The following CXCL6 variants were observed in gnomAD, a reference collection of about 807,000 sequenced individuals.
The protein encoded by CXCL6 is C-X-C motif chemokine ligand 6, also known as C-X-C motif chemokine 6.
CXCL6 carries 18 observed loss-of-function variants against 10.5 expected under a neutral mutation model. That is an observed-to-expected ratio of 1.71 (90% CI 1.18 to 2.54). The LOEUF (loss-of-function observed/expected upper bound fraction) is 2.54. CXCL6 is among the 30% of genes most tolerant of loss of function. The pLI, the probability that CXCL6 is intolerant of heterozygous loss-of-function variation, is 0.00. For missense variants in CXCL6, 171 were observed against 145.7 expected (o/e 1.17, Z -0.90); for synonymous variants, 82 against 68.3 (o/e 1.20, Z -0.99).
Position 73,836,847 on chromosome 4 carries a change from C to A in CXCL6, c.97C>A (p.Pro33Thr). Reference protein sequence around the residue: ...ALLLLLTPPGPLASAGPVSAV... With the variant: ...ALLLLLTPPGTLASAGPVSAV... ...GCTGCTCCTGCTGACGCCGCCGGGGCCCCTCGCCAGCGGTGAGAGCTCCTG... is the reference window on the plus strand; with the variant it reads ...GCTGCTCCTGCTGACGCCGCCGGGGACCCTCGCCAGCGGTGAGAGCTCCTG... Residue 33 changes from proline (P) to threonine (T), a missense_variant, in exon 1 of 4, where the codon CCC becomes ACC. Transcript: ENST00000226317. 1.9e-6 allele frequency: 3 copies of A among 1,612,194 alleles called. No individual in the cohort carries two copies. The highest frequency in any genetic ancestry group is 2.5e-6 in the Non-Finnish European group (3 of 1,178,948).
Position 73,837,054 on chromosome 4 carries a change from A to T in CXCL6, c.200A>T (p.Gln67Leu), listed in dbSNP as rs999888344. 1.9e-6 allele frequency: 3 copies of T among 1,613,822 alleles called. No individual in the cohort carries two copies. In the African/African-American group the frequency reaches 4.0e-5, roughly 22 times the overall value. Residue 67 changes from glutamine to leucine, a missense_variant, in exon 2 of 4, where the codon CAG becomes CTG. Physicochemically the swap from Gln to Leu is moderately radical, Grantham distance 113. Coordinates refer to ENST00000226317, the MANE Select transcript of CXCL6 (RefSeq NM_002993.4). ...RVNPKTIGKLQVFPAGPQCSK... is the reference protein window; with the variant it reads ...RVNPKTIGKLLVFPAGPQCSK... ...AACCCCAAAACGATTGGTAAACTGC[A>T]GGTGTTCCCCGCAGGCCCGCAGTGC...
In CXCL6 at chr4:73,836,727, C is replaced by T; in HGVS notation, c.-24C>T. ...TCCGCGCCTCCACCCAGCTCAGGAACCCGCGAACCCTCTCTTGACCACTAT... is the reference window on the plus strand; with the variant it reads ...TCCGCGCCTCCACCCAGCTCAGGAATCCGCGAACCCTCTCTTGACCACTAT... On this transcript the variant is annotated 5_prime_UTR_variant, in exon 1 of 4. Coordinates refer to ENST00000226317, the MANE Select transcript of CXCL6 (RefSeq NM_002993.4). 1 of 1,588,754 alleles carries T rather than the reference C, an allele frequency of 6.3e-7. No individual in the cohort carries two copies.
Position 73,837,657 on chromosome 4 carries a change from A to G in CXCL6, c.*16A>G, listed in dbSNP as rs765217641. The G allele has an allele frequency of 8.4e-6, 13 of 1,550,284 alleles. No individual in the cohort carries two copies. The highest frequency in any genetic ancestry group is 4.8e-5 in the East Asian group (2 of 41,622). ...GAAAAACTGAGTAACAAAAAAGACC[A>G]TGCATCATAAAATTGCCCAGTCTTC... On this transcript the variant is annotated 3_prime_UTR_variant, in exon 4 of 4. Transcript: ENST00000226317.
At position 73,837,685 on chromosome 4, in the gene CXCL6, CGGAGCAGTTTTCT is replaced by C; in HGVS notation, c.*49_*61del. 6.5e-7 allele frequency: 1 copy of C among 1,526,934 alleles called. No individual in the cohort carries two copies. The highest frequency in any genetic ancestry group is 8.7e-7 in the Non-Finnish European group (1 of 1,144,692). The allele number at this position is 1,526,934 out of a possible 1,614,324, so 94.6% of individuals were successfully genotyped here. A position where few individuals can be genotyped will look rare whatever the true frequency, so the allele number is the denominator to read the frequency against. On this transcript the variant is annotated 3_prime_UTR_variant, in exon 4 of 4. Coordinates refer to ENST00000226317, the MANE Select transcript of CXCL6 (RefSeq NM_002993.4). ...CATCATAAAATTGCCCAGTCTTCAGCGGAGCAGTTTTCTGGAGATCCCTGGACCCAGTAAGAAT... is the reference window on the plus strand; with the variant it reads ...CATCATAAAATTGCCCAGTCTTCAGCGGAGATCCCTGGACCCAGTAAGAAT...
chr4:73,837,621 A>C lies in CXCL6; in HGVS notation c.327-2A>C. ...ATACTAATATAACTCTTTTCTCAACAGTGGAAACAAGAAAAACTGAGTAAC... is the reference window on the plus strand; with the variant it reads ...ATACTAATATAACTCTTTTCTCAACCGTGGAAACAAGAAAAACTGAGTAAC... On this transcript the variant is annotated splice_acceptor_variant, in intron 3 of 3. Coordinates refer to ENST00000226317, the MANE Select transcript of CXCL6 (RefSeq NM_002993.4). LOFTEE classifies it high-confidence loss of function. The C allele has an allele frequency of 6.4e-7, 1 of 1,557,714 alleles. No homozygotes were observed. The highest frequency in any genetic ancestry group is 1.2e-5 in the South Asian group (1 of 81,510).
At position 73,838,323 on chromosome 4, in the gene CXCL6, T is replaced by A. The variant is rs1192197001; in HGVS notation, c.*682T>A. The A allele has an allele frequency of 6.6e-6, 1 of 152,226 alleles. No homozygotes were observed. The highest frequency in any genetic ancestry group is 1.5e-5 in the Non-Finnish European group (1 of 68,028). The allele number at this position is 152,226 out of a possible 1,614,324, so 9.4% of individuals were successfully genotyped here. A position where few individuals can be genotyped will look rare whatever the true frequency, so the allele number is the denominator to read the frequency against. On this transcript the variant is annotated 3_prime_UTR_variant, in exon 4 of 4. Transcript: ENST00000226317. ...AGTATGGCATAATGTCATGATTTAC[T>A]CATTAAACTTTGATTTTGTATGCTA...
rs1290756323 is a variant in CXCL6 at position 73,837,236 on chromosome 4, G to T, written c.276G>T (p.Leu92=). The T allele has an allele frequency of 9.3e-6, 15 of 1,614,016 alleles. No individual in the cohort carries two copies. In the African/African-American group the frequency reaches 1.9e-4, roughly 20 times the overall value. ...TGAAGAACGGGAAGCAAGTTTGTCT[G>T]GACCCGGAAGCCCCTTTTCTAAAGA... ...ASLKNGKQVC[L]DPEAPFLKKV... is the part of the protein sequence containing the mutation. Residue 92 remains leucine (L), a synonymous_variant, in exon 3 of 4, where the codon CTG becomes CTT. Transcript: ENST00000226317.
At position 73,837,672 on chromosome 4, in the gene CXCL6, G is replaced by T. The variant is rs1478624484; in HGVS notation, c.*31G>T. The T allele has an allele frequency of 1.3e-6, 2 of 1,544,272 alleles. No homozygotes were observed. Among genetic ancestry groups the T allele is most frequent in the East Asian group, 2.4e-5 (1 of 41,268 alleles). On this transcript the variant is annotated 3_prime_UTR_variant, in exon 4 of 4. Coordinates refer to ENST00000226317, the MANE Select transcript of CXCL6 (RefSeq NM_002993.4). The stretch of plus-strand genomic sequence containing the variant: ...AAAAAAGACCATGCATCATAAAATT[G>T]CCCAGTCTTCAGCGGAGCAGTTTTC...
chr4:73,838,490 A>T lies in CXCL6; in HGVS notation c.*849A>T, dbSNP rs1731152526. The T allele has an allele frequency of 6.6e-6, 1 of 152,616 alleles. No individual in the cohort carries two copies. The highest frequency in any genetic ancestry group is 2.1e-4 in the South Asian group (1 of 4,834). The allele number at this position is 152,616 out of a possible 1,614,324, so 9.5% of individuals were successfully genotyped here. On this transcript the variant is annotated 3_prime_UTR_variant, in exon 4 of 4. Transcript: ENST00000226317. ...TGGTTTTTTAAATAAAAGCAAAATT[A>T]ACAATGATCTGTGCTCTGAAAGTTT...
Position 73,837,031 on chromosome 4 carries a change from C to G in CXCL6, c.177C>G (p.Asn59Lys), listed in dbSNP as rs779744011. The change falls in exon 2 of 4, where the codon AAC (asparagine) becomes AAG (lysine). Residue 59 changes from asparagine to lysine, a missense_variant. Transcript: ENST00000226317. ...CTCLRVTLRVNPKTIGKLQVF... is the reference protein window; with the variant it reads ...CTCLRVTLRVKPKTIGKLQVF... ...GTTTACGCGTTACGCTGAGAGTAAA[C>G]CCCAAAACGATTGGTAAACTGCAGG... The G allele has an allele frequency of 2.5e-6, 4 of 1,613,814 alleles. No individual in the cohort carries two copies. In the Admixed American group the frequency reaches 5.0e-5, roughly 20 times the overall value.
chr4:73,837,897 T>C lies in CXCL6; in HGVS notation c.*256T>C. On this transcript the variant is annotated 3_prime_UTR_variant, in exon 4 of 4. Coordinates refer to ENST00000226317, the MANE Select transcript of CXCL6 (RefSeq NM_002993.4). ...GATAAGTTATTGAACCCTTTGGCAATTGACCATATTGTGAGCAAAGAATCA... is the reference window on the plus strand; with the variant it reads ...GATAAGTTATTGAACCCTTTGGCAACTGACCATATTGTGAGCAAAGAATCA... 2.8e-6 allele frequency: 1 copy of C among 360,140 alleles called. No individual in the cohort carries two copies. The highest frequency in any genetic ancestry group is 5.0e-6 in the Non-Finnish European group (1 of 198,450). The allele number at this position is 360,140 out of a possible 1,614,324, so 22.3% of individuals were successfully genotyped here. A position where few individuals can be genotyped will look rare whatever the true frequency, so the allele number is the denominator to read the frequency against.
In CXCL6 at chr4:73,838,627, C is replaced by T. The variant is rs1336597705; in HGVS notation, c.*986C>T. 6.6e-6 allele frequency: 1 copy of T among 152,408 alleles called. No individual in the cohort carries two copies. The highest frequency in any genetic ancestry group is 2.4e-5 in the African/African-American group (1 of 41,368). 9.4% of individuals were successfully genotyped at this position (152,408 alleles called of 1,614,324 possible). A position where few individuals can be genotyped will look rare whatever the true frequency, so the allele number is the denominator to read the frequency against. On this transcript the variant is annotated 3_prime_UTR_variant, in exon 4 of 4. Coordinates refer to ENST00000226317, the MANE Select transcript of CXCL6 (RefSeq NM_002993.4). Reference sequence around the variant, plus strand: ...TTGTGGATCTTTTAAAGGTTTTGACCATTTTGTTATGAGGAATTATACATG... The same window carrying T: ...TTGTGGATCTTTTAAAGGTTTTGACTATTTTGTTATGAGGAATTATACATG...
intron 3 of CXCL6, 137 bp downstream of exon 3, chr4:73,837,423 T>A (rs1731129191): frequency 2.0e-6 from 2 of 1,025,630 alleles, no homozygotes; most frequent in Non-Finnish European, 2.9e-6. Context: ...AGGAAACTTT[T>A]TTTCTGGAAT....
Position 73,837,092 on chromosome 4 carries a change from G to T in CXCL6, c.238G>T (p.Val80Leu). The change falls in exon 2 of 4, where the codon GTG becomes TTG. Residue 80 changes from valine (V) to leucine (L), a missense_variant. By Grantham distance (32) the Val-to-Leu change is conservative (BLOSUM62 1). Coordinates refer to ENST00000226317, the MANE Select transcript of CXCL6 (RefSeq NM_002993.4). ...PAGPQCSKVE[V>L]VASLKNGKQV... ...AGGCCCGCAGTGCTCCAAGGTGGAAGTGGTGTAAGTTCTCCTGTGTTGCTG... is the reference window on the plus strand; with the variant it reads ...AGGCCCGCAGTGCTCCAAGGTGGAATTGGTGTAAGTTCTCCTGTGTTGCTG... 6.2e-7 allele frequency: 1 copy of T among 1,613,150 alleles called. No individual in the cohort carries two copies. Among genetic ancestry groups the T allele is most frequent in the Non-Finnish European group, 8.5e-7 (1 of 1,179,504 alleles).
Position 73,838,124 on chromosome 4 carries a change from A to T in CXCL6, c.*483A>T, listed in dbSNP as rs1731145707. On this transcript the variant is annotated 3_prime_UTR_variant, in exon 4 of 4. Transcript: ENST00000226317. ...ATATTTTAGTTCTGTTTCTTGGGGA[A>T]TATGTTACTCTTTACCCTAGGATGC... 6.6e-6 allele frequency: 1 copy of T among 152,230 alleles called. No individual in the cohort carries two copies. The highest frequency in any genetic ancestry group is 6.6e-5 in the Admixed American group (1 of 15,202). 9.4% of individuals were successfully genotyped at this position (152,230 alleles called of 1,614,324 possible).
In CXCL6 at chr4:73,836,746, C is replaced by T. The variant is rs765557722; in HGVS notation, c.-5C>T. Reference sequence around the variant, plus strand: ...CAGGAACCCGCGAACCCTCTCTTGACCACTATGAGCCTCCCGTCCAGCCGC... The same window carrying T: ...CAGGAACCCGCGAACCCTCTCTTGATCACTATGAGCCTCCCGTCCAGCCGC... On this transcript the variant is annotated 5_prime_UTR_variant, in exon 1 of 4. Transcript: ENST00000226317. 1 of 1,607,414 alleles carries T rather than the reference C, an allele frequency of 6.2e-7. No homozygotes were observed. Among genetic ancestry groups the T allele is most frequent in the South Asian group, 1.1e-5 (1 of 90,442 alleles).
chr4:73,837,803 C>G lies in CXCL6; in HGVS notation c.*162C>G. The G allele has an allele frequency of 1.9e-6, 1 of 517,186 alleles. No homozygotes were observed. The highest frequency in any genetic ancestry group is 3.4e-6 in the Non-Finnish European group (1 of 293,942). The allele number at this position is 517,186 out of a possible 1,614,324, so 32.0% of individuals were successfully genotyped here. A position where few individuals can be genotyped will look rare whatever the true frequency, so the allele number is the denominator to read the frequency against. ...AGTGTGGGGGAAAGCCTACGCTTCT[C>G]CCTGAAGTTTACAGCTCAGCTAATG... On this transcript the variant is annotated 3_prime_UTR_variant, in exon 4 of 4. Coordinates refer to ENST00000226317, the MANE Select transcript of CXCL6 (RefSeq NM_002993.4).
chr4:73,837,361 T>C lies in CXCL6; in HGVS notation c.326+75T>C, dbSNP rs1731127969. ...CATATACTTCACAATGTCCTTATTC[T>C]CTCTGTAGGATTTAGACTATGCTTA... On this transcript the variant is annotated intron_variant, in intron 3 of 3. Coordinates refer to ENST00000226317, the MANE Select transcript of CXCL6 (RefSeq NM_002993.4). The C allele has an allele frequency of 6.7e-6, 9 of 1,336,378 alleles. No homozygotes were observed. The South Asian group carries it at 1.1e-4, about 16-fold the overall frequency. 82.8% of individuals were successfully genotyped at this position (1,336,378 alleles called of 1,614,324 possible).
Position 73,837,076 on chromosome 4 carries a change from G to A in CXCL6, c.222G>A (p.Gln74=), listed in dbSNP as rs145757947. The A allele has an allele frequency of 2.1e-5, 34 of 1,613,446 alleles. No individual in the cohort carries two copies. Among genetic ancestry groups the A allele is most frequent in the African/African-American group, 4.0e-5 (3 of 74,930 alleles). ...TGCAGGTGTTCCCCGCAGGCCCGCA[G>A]TGCTCCAAGGTGGAAGTGGTGTAAG... ...GKLQVFPAGP[Q]CSKVEVVASL... The change falls in exon 2 of 4, where the codon CAG becomes CAA. Residue 74 remains glutamine (Q), a synonymous_variant. Transcript: ENST00000226317.
Sources: gnomAD v4.1 joint callset for allele counts on GRCh38, gnomAD v4.1.1 for gene constraint, MANE v1.5 for transcripts, NCBI Gene and HGNC (gene_info 2026-07-23, HGNC 2026-07-21) for gene names.